Variants in KCNH5 observed in about 807,000 individuals in gnomAD.
KCNH5 encodes the protein potassium voltage-gated channel subfamily H member 5.
KCNH5 carries 46 observed loss-of-function variants against 96.1 expected under a neutral mutation model. The ratio of observed to expected loss-of-function variants is 0.48; its 90% CI spans 0.38 to 0.61. The LOEUF (loss-of-function observed/expected upper bound fraction) is 0.61, where lower values mean the gene tolerates loss of function less well. Among genes scored for constraint, KCNH5 ranks in the 20% least tolerant of loss-of-function variants. The pLI is 0.00. For synonymous variants in KCNH5, 439 were observed against 449.8 expected, an observed-to-expected ratio of 0.98 and a Z score of 0.30; for missense variants, 907 against 1,225.8, an observed-to-expected ratio of 0.74 and a Z score of 3.88.
At chr14:62,745,969 G>A (rs1229626678) in intron 10 of KCNH5, among the ~76,000 whole-genome samples, 2 of 152,182 alleles carry the variant, frequency 1.3e-5, no homozygotes, top group Non-Finnish European at 2.9e-5. Context: ...ATGTCAGGCA[G>A]AGTCAACAGA....
intron 6 of KCNH5, among the ~76,000 whole-genome samples, chr14:62,978,543 A>T (rs895294929): frequency 1.5e-4 from 22 of 150,992 alleles, no homozygotes; most frequent in Non-Finnish European, 2.5e-4. Flanking sequence ...GCCGAGACAG[A>T]GCCCCTGCAC....
intron 7 of KCNH5, among the ~76,000 whole-genome samples, chr14:62,924,822 G>A (rs1889443264): frequency 6.6e-6 from 1 of 151,854 alleles, no homozygotes; most frequent in Non-Finnish European, 1.5e-5. Context: ...GGGGGAAATG[G>A]GGAGATTTGA....
intron 10 of KCNH5, among the ~76,000 whole-genome samples, chr14:62,709,713 A>G (rs1056584001): frequency 6.6e-6 from 1 of 152,186 alleles, no homozygotes; most frequent in Admixed American, 6.5e-5. Flanking sequence ...ACTTATGATA[A>G]CCCCATCAGA....
At chr14:62,849,002 T>A (rs1887752636) in intron 8 of KCNH5, among the ~76,000 whole-genome samples, 1 of 152,184 alleles carries the variant, frequency 6.6e-6, no homozygotes, top group Non-Finnish European at 1.5e-5. Flanking sequence ...GTTTTATTTA[T>A]TTTAAGGAGG....
chr14:62,938,171 T>C (rs368678611), intron 7 of KCNH5, among the ~76,000 whole-genome samples: 1 of 152,084 alleles, frequency 6.6e-6, no homozygotes, highest in East Asian at 1.9e-4. Flanking sequence ...GGGGTGTTGT[T>C]AAAAATAAGC....
intron 4 of KCNH5, among the ~76,000 whole-genome samples, chr14:62,987,723 C>T (rs564680553): frequency 3.3e-5 from 5 of 152,248 alleles, no homozygotes; most frequent in African/African-American, 1.2e-4. Flanking sequence ...TGGGAAAATG[C>T]CATATGCCAG....
chr14:62,930,544 A>G (rs1176715187), intron 7 of KCNH5, among the ~76,000 whole-genome samples: 2 of 152,168 alleles, frequency 1.3e-5, no homozygotes, highest in East Asian at 3.9e-4. Context: ...CTTTCATCAA[A>G]GGCACATATG....
chr14:63,003,288 A>G (rs2139593247), intron 3 of KCNH5, among the ~76,000 whole-genome samples: 1 of 149,914 alleles, frequency 6.7e-6, no homozygotes, highest in African/African-American at 2.5e-5. Context: ...TAGATCCTTC[A>G]TATTCTGGAT....
intron 10 of KCNH5, among the ~76,000 whole-genome samples, chr14:62,775,725 C>T (rs781147123): frequency 1.3e-5 from 2 of 152,290 alleles, no homozygotes; most frequent in Non-Finnish European, 2.9e-5. Flanking sequence ...TATTCATATG[C>T]CCACTGTTGT....
intron 9 of KCNH5, among the ~76,000 whole-genome samples, chr14:62,785,898 A>G (rs1234745772): frequency 6.6e-6 from 1 of 152,220 alleles, no homozygotes; most frequent in Non-Finnish European, 1.5e-5. Context: ...ATGCATAAAA[A>G]TTTCCACAGT....
chr14:63,019,099 GA>G (rs527474150), intron 1 of KCNH5, among the ~76,000 whole-genome samples: 5 of 147,592 alleles, frequency 3.4e-5, no homozygotes, highest in African/African-American at 9.9e-5. Flanking sequence ...AGTTGAGTCT[GA>G]AAAAAAAACA....
chr14:62,858,990 A>G (rs967184821), intron 7 of KCNH5, among the ~76,000 whole-genome samples: 1 of 152,222 alleles, frequency 6.6e-6, no homozygotes, highest in African/African-American at 2.4e-5. Context: ...CTTTAGCTGT[A>G]AAGTGAGTGC....
intron 7 of KCNH5, among the ~76,000 whole-genome samples, chr14:62,885,158 A>AT (rs1185208775): frequency 6.6e-6 from 1 of 152,132 alleles, no homozygotes; most frequent in Non-Finnish European, 1.5e-5. Flanking sequence ...AATCCCACCA[A>AT]TTTTTTTAAA....
intron 7 of KCNH5, among the ~76,000 whole-genome samples, chr14:62,863,335 G>T (rs1888073389): frequency 6.6e-6 from 1 of 152,106 alleles, no homozygotes; most frequent in Non-Finnish European, 1.5e-5. Context: ...ATATGACTGA[G>T]AATACTTTTA....
intron 8 of KCNH5, among the ~76,000 whole-genome samples, chr14:62,824,464 G>A (rs757496450): frequency 5.3e-5 from 8 of 151,930 alleles, no homozygotes; most frequent in Non-Finnish European, 1.0e-4. Flanking sequence ...AATATTACAT[G>A]CAAAATAGAA....
intron 7 of KCNH5, among the ~76,000 whole-genome samples, chr14:62,905,781 A>G (rs1261118497): frequency 3.3e-5 from 5 of 152,208 alleles, no homozygotes; most frequent in Non-Finnish European, 5.9e-5. Flanking sequence ...TTCACTTGCT[A>G]TATCTAAAGG....
chr14:62,746,021 A>C (rs1005347190), intron 10 of KCNH5, among the ~76,000 whole-genome samples: 2 of 152,128 alleles, frequency 1.3e-5, no homozygotes, highest in African/African-American at 4.8e-5. Flanking sequence ...TGGAGAACAA[A>C]ATGGGGGAAG....
intron 8 of KCNH5, among the ~76,000 whole-genome samples, chr14:62,847,927 C>G (rs1887731174): frequency 6.6e-6 from 1 of 152,218 alleles, no homozygotes; most frequent in Admixed American, 6.5e-5. Context: ...CATCTTGAAT[C>G]AGACAGTTAA....
rs1422234778 is a variant in KCNH5, at chr14:62,981,281, G to A, written c.550-17C>T. 6.2e-7 allele frequency: 1 copy of A among 1,612,012 alleles called. No homozygotes were observed. The highest frequency in any genetic ancestry group is 8.5e-7 in the Non-Finnish European group (1 of 1,178,790). On this transcript the variant is annotated splice_polypyrimidine_tract_variant and intron_variant, in intron 5 of 10. Transcript: ENST00000322893. The stretch of plus-strand genomic sequence containing the variant: ...CTGAAGAACCTAAAAGAGAGAAAAT[G>A]TATTTATACATGACTAGGTTATCTC...
Sources: allele counts gnomAD v4.1 joint callset (sites outside exome capture counted in the v4.1 genomes callset), GRCh38; gene constraint gnomAD v4.1.1; transcripts MANE v1.5; gene names NCBI Gene and HGNC (gene_info 2026-07-23, HGNC 2026-07-21).